GABRB2: variants seen among roughly 807,000 people sequenced by gnomAD.
GABRB2 encodes the protein gamma-aminobutyric acid type A receptor subunit beta2.
Under a neutral mutation model 54.7 loss-of-function variants are expected in GABRB2, and 16 were observed. The ratio of observed to expected loss-of-function variants is 0.29; its 90% CI spans 0.20 to 0.44. GABRB2 has a LOEUF of 0.44. Ranked by LOEUF, GABRB2 falls within the 20% of genes least tolerant of loss-of-function variation. GABRB2 has a pLI of 1.00. For synonymous variants in GABRB2, 244 were observed against 233.8 expected (o/e 1.04, Z -0.40); for missense variants, 355 against 644.0 (o/e 0.55, Z 4.86).
intron 5 of GABRB2, among the ~76,000 whole-genome samples, chr5:161,349,334 T>C (rs1413159368): frequency 2.0e-5 from 3 of 152,130 alleles, no homozygotes; most frequent in Non-Finnish European, 2.9e-5. Context: ...ATAACTGCCA[T>C]TTATTAAACA....
At chr5:161,408,371 T>C (rs575279802) in intron 5 of GABRB2, among the ~76,000 whole-genome samples, 1 of 152,208 alleles carries the variant, frequency 6.6e-6, no homozygotes, top group South Asian at 2.1e-4. Context: ...TATATATCTA[T>C]CTCTCTCACC....
At chr5:161,463,591 ATATATATATG>A in intron 3 of GABRB2, among the ~76,000 whole-genome samples, 1 of 122,004 alleles carries the variant, frequency 8.2e-6, no homozygotes, top group Non-Finnish European at 1.7e-5. Context: ...ATATATATAT[ATATATATATG>A]AAAGAGAATA....
At chr5:161,333,988 A>G (rs1391767456) in intron 7 of GABRB2, among the ~76,000 whole-genome samples, 1 of 152,204 alleles carries the variant, frequency 6.6e-6, no homozygotes, top group Non-Finnish European at 1.5e-5. Flanking sequence ...CTCTATCTCC[A>G]GTGCTTAGTA....
chr5:161,383,542 T>C (rs1360310625), intron 5 of GABRB2, among the ~76,000 whole-genome samples: 3 of 152,182 alleles, frequency 2.0e-5, no homozygotes, highest in African/African-American at 7.2e-5. Flanking sequence ...CACTTATTAA[T>C]TGATTAAAAT....
At chr5:161,448,769 A>T (rs1757708459) in intron 4 of GABRB2, among the ~76,000 whole-genome samples, 3 of 152,188 alleles carry the variant, frequency 2.0e-5, no homozygotes, top group Admixed American at 6.5e-5. Context: ...TAACAAAATG[A>T]CCTTCCATGT....
chr5:161,433,394 G>A (rs928862363), intron 4 of GABRB2, among the ~76,000 whole-genome samples: 1 of 149,700 alleles, frequency 6.7e-6, no homozygotes, highest in African/African-American at 2.5e-5. Flanking sequence ...GAGCCCAGGA[G>A]TTTGAGACAA....
intron 9 of GABRB2, among the ~76,000 whole-genome samples, chr5:161,312,916 T>G (rs557711705): frequency 2.4e-4 from 36 of 152,292 alleles, no homozygotes; most frequent in African/African-American, 8.2e-4. Context: ...TTATGTAAGC[T>G]CTTGGTAAAC....
At chr5:161,348,339 G>C (rs539966783) in intron 5 of GABRB2, among the ~76,000 whole-genome samples, 1 of 151,846 alleles carries the variant, frequency 6.6e-6, no homozygotes, top group East Asian at 1.9e-4. Flanking sequence ...TAAAACAAAA[G>C]AAAATTAAGA....
intron 3 of GABRB2, among the ~76,000 whole-genome samples, chr5:161,519,705 C>G (rs1424899792): frequency 6.6e-6 from 1 of 152,032 alleles, no homozygotes; most frequent in African/African-American, 2.4e-5. Context: ...TCAGAAAAAT[C>G]TTTCACATTT....
chr5:161,487,990 G>C (rs1446997182), intron 3 of GABRB2, among the ~76,000 whole-genome samples: 1 of 151,808 alleles, frequency 6.6e-6, no homozygotes, highest in African/African-American at 2.4e-5. Context: ...AGAGAACAGA[G>C]TTTGTCCATC....
At chr5:161,545,362 T>C in intron 2 of GABRB2, 68 bp from the exon 3 acceptor site, 1 of 1,255,220 alleles carries the variant, frequency 8.0e-7, no homozygotes, top group Non-Finnish European at 1.1e-6. Context: ...GAGTTATCCC[T>C]GAGCATAAGA....
upstream of GABRB2, chr5:161,548,153 C>T (rs1761048318): frequency 6.6e-6 from 1 of 152,444 alleles, no homozygotes; most frequent in Admixed American, 6.5e-5. Flanking sequence ...CAGAGGCTGC[C>T]TCTTCCCTTC....
chr5:161,507,606 T>C (rs186590894), intron 3 of GABRB2, among the ~76,000 whole-genome samples: 1 of 152,040 alleles, frequency 6.6e-6, no homozygotes, highest in African/African-American at 2.4e-5. Context: ...ATATATGTCT[T>C]GTAACAGACT....
chr5:161,511,587 A>T (rs1258125560), intron 3 of GABRB2, among the ~76,000 whole-genome samples: 3 of 152,042 alleles, frequency 2.0e-5, no homozygotes, highest in Non-Finnish European at 4.4e-5. Context: ...TGTTTGCTAC[A>T]GCTGACACAA....
chr5:161,385,456 AT>A (rs1378463379), intron 5 of GABRB2, among the ~76,000 whole-genome samples: 1 of 152,106 alleles, frequency 6.6e-6, no homozygotes. Context: ...TGAAACTGTC[AT>A]TTCATAGTAT....
rs372628320 is a variant in GABRB2 at position 161,341,901 on chromosome 5, G to A, written c.542-5132C>T. 2.6e-4 allele frequency among the ~76,000 whole-genome samples: 37 copies of A among 142,742 alleles called. No homozygotes were observed. In the East Asian group the frequency reaches 3.3e-3, roughly 13 times the overall value. The allele number at this position is 142,742 out of a possible 152,430, so 93.6% of individuals were successfully genotyped here. On this transcript the variant is annotated intron_variant, in intron 5 of 9. Transcript: ENST00000393959. ...CAGCAGGAACCAATGAGAACATTTA[G>A]AAGAGGTGAATTAATGCCACTATTT...
chr5:161,401,680 T>C (rs140836954), intron 5 of GABRB2, among the ~76,000 whole-genome samples: 38 of 152,304 alleles, frequency 2.5e-4, no homozygotes, highest in African/African-American at 8.4e-4. Context: ...TCAAATGTCA[T>C]GAATGTAAAC....
chr5:161,364,094 CAT>C (rs1329380228), intron 5 of GABRB2, among the ~76,000 whole-genome samples: 2 of 152,046 alleles, frequency 1.3e-5, no homozygotes, highest in African/African-American at 4.8e-5. Context: ...CCAGGAGTAA[CAT>C]GTGCAAGTTA....
chr5:161,339,774 T>C (rs1259752926), intron 5 of GABRB2, among the ~76,000 whole-genome samples: 1 of 152,012 alleles, frequency 6.6e-6, no homozygotes, highest in Non-Finnish European at 1.5e-5. Flanking sequence ...TATCTCATCG[T>C]TGAGAAAACT....
Sources: gnomAD v4.1 joint callset for allele counts (sites outside exome capture counted in the v4.1 genomes callset) on GRCh38, gnomAD v4.1.1 for gene constraint, MANE v1.5 for transcripts, NCBI Gene and HGNC (gene_info 2026-07-23, HGNC 2026-07-21) for gene names.